ADGRB1: variants seen among roughly 807,000 people sequenced by gnomAD.
The protein encoded by ADGRB1 is adhesion G protein-coupled receptor B1.
A neutral mutation model predicts 175.7 loss-of-function variants in ADGRB1; 36 were observed. The observed-to-expected ratio is 0.20, with a 90% confidence interval of 0.16 to 0.27. The LOEUF is 0.27. ADGRB1 is among the 10% of genes least tolerant of loss of function. ADGRB1 has a pLI of 1.00. For synonymous variants in ADGRB1, 1,054 were observed against 979.4 expected, an observed-to-expected ratio of 1.08 and a Z score of -1.42; for missense variants, 1,731 against 2,255.3, an observed-to-expected ratio of 0.77 and a Z score of 4.71.
At chr8:142,463,137 T>A (rs1288846121) in intron 1 of ADGRB1, among the ~76,000 whole-genome samples, 1 of 152,206 alleles carries the variant, frequency 6.6e-6, no homozygotes, top group Admixed American at 6.5e-5. Context: ...AATGCTAGCC[T>A]TGCAGAGGAA....
intron 17 of ADGRB1, among the ~76,000 whole-genome samples, chr8:142,499,517 G>A (rs1489045367): frequency 6.6e-6 from 1 of 152,226 alleles, no homozygotes. Context: ...AAGGGAGGGA[G>A]CATGCACCGG....
chr8:142,456,733 C>G (rs1462341845), intron 1 of ADGRB1, among the ~76,000 whole-genome samples: 1 of 152,260 alleles, frequency 6.6e-6, no homozygotes, highest in East Asian at 1.9e-4. Context: ...TCCCCACTGC[C>G]ACATAACCAT....
At chr8:142,480,090 C>T (rs1384129983) in intron 9 of ADGRB1, among the ~76,000 whole-genome samples, 1 of 152,212 alleles carries the variant, frequency 6.6e-6, no homozygotes, top group African/African-American at 2.4e-5. Flanking sequence ...GAAACTGAGG[C>T]ACAGGGAAGT....
Position 142,455,779 on chromosome 8 carries a change from C to G in ADGRB1, c.-220+5675C>G, listed in dbSNP as rs1014493750. 6.6e-6 allele frequency among the ~76,000 whole-genome samples: 1 copy of G among 152,176 alleles called. No individual in the cohort carries two copies. The highest frequency in any genetic ancestry group is 2.4e-5 in the African/African-American group (1 of 41,450). ...GAAGATGGTGCTGGCTGGGCACTGG[C>G]CTGGGTGCAAGGCGGGGAAGGAGGC... is the stretch of plus-strand genomic sequence containing the variant. On this transcript the variant is annotated intron_variant, in intron 1 of 30. Coordinates refer to ENST00000517894, the MANE Select transcript of ADGRB1 (RefSeq NM_001702.3). The surrounding 1 kb of genome is among the most constrained non-coding windows in gnomAD (Gnocchi z 4.9).
chr8:142,453,443 G>T (rs1480922497), intron 1 of ADGRB1, among the ~76,000 whole-genome samples: 1 of 152,204 alleles, frequency 6.6e-6, no homozygotes, highest in Non-Finnish European at 1.5e-5. Flanking sequence ...CCCGAACCAG[G>T]AGGGTATTGT....
intron 2 of ADGRB1, among the ~76,000 whole-genome samples, chr8:142,467,446 A>T (rs1301774082): frequency 1.3e-5 from 2 of 152,148 alleles, no homozygotes; most frequent in African/African-American, 2.4e-5. Flanking sequence ...AAGGATGTGG[A>T]CATGGGCAGG....
intron 24 of ADGRB1, among the ~76,000 whole-genome samples, chr8:142,532,610 T>C (rs13271283): frequency 0.18 from 27,882 of 152,106 alleles, 2,744 homozygotes; most frequent in East Asian, 0.31. Flanking sequence ...CTGTCTCTCC[T>C]CTGCTCCTCC....
chr8:142,515,210 C>T (rs1380566152), intron 18 of ADGRB1, among the ~76,000 whole-genome samples: 3 of 152,160 alleles, frequency 2.0e-5, no homozygotes, highest in Non-Finnish European at 2.9e-5. Context: ...GGGCAGGGGG[C>T]CTGGCATGTG....
At chr8:142,514,126 T>C (rs1383338045) in intron 18 of ADGRB1, among the ~76,000 whole-genome samples, 1 of 151,300 alleles carries the variant, frequency 6.6e-6, no homozygotes, top group Non-Finnish European at 1.5e-5. Context: ...GATGGACACG[T>C]TGGGTGTGGG....
Position 142,464,915 on chromosome 8 carries a change from G to A in ADGRB1, c.717G>A (p.Ala239=). The A allele has an allele frequency of 1.3e-6, 2 of 1,529,468 alleles. No individual in the cohort carries two copies. Among genetic ancestry groups the A allele is most frequent in the East Asian group, 2.5e-5 (1 of 40,046 alleles). The allele number at this position is 1,529,468 out of a possible 1,614,324, so 94.7% of individuals were successfully genotyped here. The change falls in exon 2 of 31, where the codon GCG becomes GCA. Residue 239 remains alanine, a synonymous_variant. Transcript: ENST00000517894. ...GCGGGGATGTCTGCTTGAGAGATGCGGTGGCTGGTGGCCCTGAAAACTGCC... is the reference window on the plus strand; with the variant it reads ...GCGGGGATGTCTGCTTGAGAGATGCAGTGGCTGGTGGCCCTGAAAACTGCC... ...APRGDVCLRD[A]VAGGPENCLT... is the part of the protein sequence containing the mutation.
At chr8:142,466,060 C>T (rs570675537) in intron 2 of ADGRB1, among the ~76,000 whole-genome samples, 4 of 152,286 alleles carry the variant, frequency 2.6e-5, no homozygotes, top group South Asian at 4.1e-4. Flanking sequence ...TGACGGGTGA[C>T]GTGCAAGAAA....
Position 142,510,912 on chromosome 8 carries a change from C to A in ADGRB1, c.2676-20C>A, listed in dbSNP as rs955473239. The A allele has an allele frequency of 2.8e-6, 3 of 1,078,066 alleles. No individual in the cohort carries two copies. The highest frequency in any genetic ancestry group is 1.7e-5 in the African/African-American group (1 of 58,292). 66.8% of individuals were successfully genotyped at this position (1,078,066 alleles called of 1,614,324 possible). A position where few individuals can be genotyped will look rare whatever the true frequency, so the allele number is the denominator to read the frequency against. On this transcript the variant is annotated intron_variant, in intron 17 of 30. Transcript: ENST00000517894. The surrounding 1 kb of genome is among the most constrained non-coding windows in gnomAD (Gnocchi z 6.3). ...GCTGACGCTCCGCCTGTCTCCCTCC[C>A]GTGTCCCGCCCGCCCCCAGACCCTC...
In ADGRB1 at chr8:142,542,143, C is replaced by T; in HGVS notation, c.3909C>T (p.Pro1303=). ...CCGGCGGGCCCCTGCCCGACTTCCC[C>T]AACCACTCACTGACCCTCAAGAGGG... ...RYPGGPLPDF[P]NHSLTLKRDK... The change falls in exon 28 of 31, where the codon CCC becomes CCT. Residue 1303 remains proline (P), a synonymous_variant. Coordinates refer to ENST00000517894, the MANE Select transcript of ADGRB1 (RefSeq NM_001702.3). This position sits in a 1 kb window ranked among gnomAD's most constrained non-coding sequence, Gnocchi z 6.3. 2 of 1,613,638 alleles carry T rather than the reference C, an allele frequency of 1.2e-6. No homozygotes were observed. The highest frequency in any genetic ancestry group is 1.1e-5 in the South Asian group (1 of 91,082).
Position 142,465,000 on chromosome 8 carries a change from A to T in ADGRB1, c.784+18A>T. 1 of 1,450,272 alleles carries T rather than the reference A, an allele frequency of 6.9e-7. No individual in the cohort carries two copies. Among genetic ancestry groups the T allele is most frequent in the Non-Finnish European group, 9.0e-7 (1 of 1,106,252 alleles). The allele number at this position is 1,450,272 out of a possible 1,614,324, so 89.8% of individuals were successfully genotyped here. On this transcript the variant is annotated intron_variant, in intron 2 of 30. Coordinates refer to ENST00000517894, the MANE Select transcript of ADGRB1 (RefSeq NM_001702.3). ...CGCCACAGGTGAGTGACTGGCGGGG[A>T]AACCTTCGGACAGGGGAGGTGGGCA...
chr8:142,507,854 C>T (rs1842918682), intron 17 of ADGRB1, among the ~76,000 whole-genome samples: 1 of 152,184 alleles, frequency 6.6e-6, no homozygotes, highest in Non-Finnish European at 1.5e-5. Context: ...AAGCGGTCTG[C>T]AGGACTCTTC....
rs538761312 is a variant in ADGRB1, at chr8:142,452,067, T to C, written c.-220+1963T>C. Among the ~76,000 whole-genome samples the C allele has an allele frequency of 2.0e-5, 3 of 152,296 alleles. No homozygotes were observed. In the East Asian group the frequency reaches 5.8e-4, roughly 29 times the overall value. ...GCCCGCCGAGTCAGTCCCGCTCGCC[T>C]GCCGCCCGCGCCCGGTCCCCGGAGG... On this transcript the variant is annotated intron_variant, in intron 1 of 30. Transcript: ENST00000517894.
chr8:142,539,811 T>A, intron 27 of ADGRB1: 1 of 280,998 alleles, frequency 3.6e-6, no homozygotes. Context: ...CCCACCGCCC[T>A]CTAGCACCTG....
chr8:142,542,456 C>T lies in ADGRB1; in HGVS notation c.4222C>T (p.Pro1408Ser). 7.3e-7 allele frequency: 1 copy of T among 1,375,526 alleles called. No homozygotes were observed. The highest frequency in any genetic ancestry group is 9.5e-7 in the Non-Finnish European group (1 of 1,051,368). The allele number at this position is 1,375,526 out of a possible 1,614,324, so 85.2% of individuals were successfully genotyped here. A position where few individuals can be genotyped will look rare whatever the true frequency, so the allele number is the denominator to read the frequency against. Reference sequence around the variant, plus strand: ...CAGCGGCGGGCCCCCCGAGGCACCCCCTGCCCAGCCCCCACCGCCTCCGCC... The same window carrying T: ...CAGCGGCGGGCCCCCCGAGGCACCCTCTGCCCAGCCCCCACCGCCTCCGCC... The part of the protein sequence containing the change: ...PPSGGPPEAP[P>S]AQPPPPPPPP... Residue 1408 changes from proline (P) to serine (S), a missense_variant, in exon 28 of 31, where the codon CCT becomes TCT. By Grantham distance (74) the Pro-to-Ser change is moderately conservative. Coordinates refer to ENST00000517894, the MANE Select transcript of ADGRB1 (RefSeq NM_001702.3). The surrounding 1 kb of genome is among the most constrained non-coding windows in gnomAD (Gnocchi z 6.3).
intron 25 of ADGRB1, among the ~76,000 whole-genome samples, chr8:142,534,060 G>A (rs1302426482): frequency 3.3e-5 from 5 of 152,332 alleles, no homozygotes; most frequent in South Asian, 2.1e-4. Flanking sequence ...CTGGAGAGAC[G>A]GCAGAGGGGC....
Sources: allele counts gnomAD v4.1 joint callset (sites outside exome capture counted in the v4.1 genomes callset), GRCh38; gene constraint gnomAD v4.1.1; non-coding constraint Gnocchi (gnomAD v3.1); transcripts MANE v1.5; gene names NCBI Gene and HGNC (gene_info 2026-07-23, HGNC 2026-07-21).